The following SMOC2 variants were observed in gnomAD, a reference collection of about 807,000 sequenced individuals.
SMOC2 encodes SPARC related modular calcium binding 2.
In SMOC2, 39 loss-of-function variants were observed where a neutral mutation model predicts 61.4. That is an observed-to-expected ratio of 0.64 (90% CI 0.49 to 0.83). The LOEUF is 0.83. Ranked by LOEUF, SMOC2 falls within the 40% of genes least tolerant of loss-of-function variation. SMOC2 has a pLI of 0.00. For synonymous variants in SMOC2, 247 were observed against 239.9 expected, an observed-to-expected ratio of 1.03 and a Z score of -0.27; for missense variants, 556 against 592.9, an observed-to-expected ratio of 0.94 and a Z score of 0.65.
chr6:168,599,470 C>T (rs1785452474), intron 8 of SMOC2, among the ~76,000 whole-genome samples: 3 of 138,404 alleles, frequency 2.2e-5, no homozygotes, highest in Non-Finnish European at 3.1e-5. Flanking sequence ...CACCCACTCA[C>T]ACCCACACAC....
chr6:168,517,754 G>C (rs1783178670), intron 2 of SMOC2, among the ~76,000 whole-genome samples: 1 of 149,016 alleles, frequency 6.7e-6, no homozygotes, highest in Admixed American at 6.9e-5. Context: ...AGCTGGGGCT[G>C]GGCAGACTCT....
At chr6:168,585,871 G>A (rs1785036845) in intron 7 of SMOC2, among the ~76,000 whole-genome samples, 1 of 152,158 alleles carries the variant, frequency 6.6e-6, no homozygotes, top group African/African-American at 2.4e-5. Flanking sequence ...GTGTTGATTT[G>A]CAGACGTTGT....
intron 7 of SMOC2, among the ~76,000 whole-genome samples, chr6:168,585,549 G>A (rs1461563178): frequency 6.6e-6 from 1 of 152,226 alleles, no homozygotes; most frequent in African/African-American, 2.4e-5. Context: ...GTGAGTGCAT[G>A]TTTTCATGAT....
chr6:168,527,865 GA>G, intron 4 of SMOC2, 138 bp downstream of exon 4: 2 of 658,344 alleles, frequency 3.0e-6, no homozygotes, highest in Non-Finnish European at 5.4e-6. Context: ...AGTGGGAATA[GA>G]TCTCGTCACT....
At chr6:168,588,134 G>GTTTTTTGTTTTTTTT (rs1188540912) in intron 7 of SMOC2, among the ~76,000 whole-genome samples, 4 of 145,914 alleles carry the variant, frequency 2.7e-5, no homozygotes, top group Non-Finnish European at 6.1e-5. Flanking sequence ...TTTTTGTTTT[G>GTTTTTTGTTTTTTTT]TTTTTTTGAG....
intron 1 of SMOC2, among the ~76,000 whole-genome samples, chr6:168,450,975 A>G (rs1781447198): frequency 6.6e-6 from 1 of 152,088 alleles, no homozygotes; most frequent in Admixed American, 6.5e-5. Flanking sequence ...CCATTATCCT[A>G]GGTTGGAAAT....
intron 9 of SMOC2, among the ~76,000 whole-genome samples, chr6:168,609,166 A>G (rs950971588): frequency 4.6e-5 from 7 of 152,246 alleles, no homozygotes; most frequent in Non-Finnish European, 8.8e-5. Context: ...ACAGGGAAGC[A>G]GAGGGCGGAA....
intron 8 of SMOC2, among the ~76,000 whole-genome samples, chr6:168,599,429 CCACACT>C (rs1340513900): frequency 7.8e-6 from 1 of 127,468 alleles, no homozygotes; most frequent in Non-Finnish European, 1.7e-5. Context: ...CCCCCCACAC[CCACACT>C]CACACACACA....
chr6:168,650,650 T>G, intron 9 of SMOC2, 31 bp from the exon 10 acceptor site: 1 of 1,593,726 alleles, frequency 6.3e-7, no homozygotes, highest in African/African-American at 1.3e-5. Context: ...GCTTTATGAG[T>G]TAATTATGAA....
intron 9 of SMOC2, 76 bp downstream of exon 9, chr6:168,608,315 G>T: frequency 6.9e-7 from 1 of 1,444,100 alleles, no homozygotes; most frequent in Admixed American, 2.0e-5. Flanking sequence ...GAATGAAAAA[G>T]ACTTTATCTG....
intron 7 of SMOC2, among the ~76,000 whole-genome samples, chr6:168,582,245 A>G (rs1027590971): frequency 2.0e-5 from 3 of 152,096 alleles, no homozygotes; most frequent in African/African-American, 7.2e-5. Context: ...AAGGGATGTC[A>G]TGGATTGGTT....
intron 9 of SMOC2, among the ~76,000 whole-genome samples, chr6:168,632,341 T>C (rs1246997095): frequency 6.6e-6 from 1 of 152,174 alleles, no homozygotes; most frequent in East Asian, 1.9e-4. Flanking sequence ...AATCAACAAC[T>C]TTGCTATCTT....
chr6:168,583,520 G>C (rs1784970866), intron 7 of SMOC2, among the ~76,000 whole-genome samples: 1 of 152,218 alleles, frequency 6.6e-6, no homozygotes, highest in Non-Finnish European at 1.5e-5. Context: ...TACAGGCTCT[G>C]CTGGGGGTTC....
chr6:168,593,415 T>G (rs866237172), intron 7 of SMOC2, among the ~76,000 whole-genome samples: 1 of 76 alleles, frequency 0.013, no homozygotes. Context: ...CTAGAGGATC[T>G]CCGAGCTCCT....
chr6:168,522,904 A>C (rs947941657), intron 2 of SMOC2, among the ~76,000 whole-genome samples: 8 of 152,024 alleles, frequency 5.3e-5, no homozygotes, highest in Admixed American at 4.6e-4. Context: ...GGTTGAGGTG[A>C]GGGGGAAATG....
At chr6:168,591,047 A>G (rs1009234331) in intron 7 of SMOC2, among the ~76,000 whole-genome samples, 5 of 152,258 alleles carry the variant, frequency 3.3e-5, no homozygotes, top group African/African-American at 1.2e-4. Flanking sequence ...TAGAAGTGAA[A>G]TTGAAATCAT....
chr6:168,619,870 C>T (rs984292699), intron 9 of SMOC2, among the ~76,000 whole-genome samples: 4 of 152,198 alleles, frequency 2.6e-5, no homozygotes, highest in African/African-American at 9.7e-5. Context: ...GTTAGAAAGC[C>T]CACAGCTTCA....
At chr6:168,540,358 C>T (rs893447729) in intron 4 of SMOC2, among the ~76,000 whole-genome samples, 2 of 152,226 alleles carry the variant, frequency 1.3e-5, no homozygotes, top group African/African-American at 4.8e-5. Flanking sequence ...TCCCCAGCTG[C>T]GTGTCCAGCA....
chr6:168,532,221 T>TA (rs930910369), intron 4 of SMOC2, among the ~76,000 whole-genome samples: 10 of 152,166 alleles, frequency 6.6e-5, no homozygotes, highest in African/African-American at 2.4e-4. Flanking sequence ...GTGGGGTCTG[T>TA]AGATGGCTTT....
Sources: gnomAD v4.1 joint callset for allele counts (sites outside exome capture counted in the v4.1 genomes callset) on GRCh38, gnomAD v4.1.1 for gene constraint, MANE v1.5 for transcripts, NCBI Gene and HGNC (gene_info 2026-07-23, HGNC 2026-07-21) for gene names.